UBR2: variants seen among roughly 807,000 people sequenced by gnomAD.
UBR2 encodes the protein ubiquitin protein ligase E3 component n-recognin 2.
In UBR2, 92 loss-of-function variants were observed where a neutral mutation model predicts 247.9. The ratio of observed to expected loss-of-function variants is 0.37; its 90% CI spans 0.31 to 0.44. The LOEUF (loss-of-function observed/expected upper bound fraction) is 0.44, where lower values mean the gene tolerates loss of function less well. Ranked by LOEUF, UBR2 falls within the 20% of genes least tolerant of loss-of-function variation. The pLI, the probability that UBR2 is intolerant of heterozygous loss-of-function variation, is 1.00. For synonymous variants in UBR2, 672 were observed against 693.5 expected (o/e 0.97, Z 0.49); for missense variants, 1,613 against 2,112.6 (o/e 0.76, Z 4.64).
intron 38 of UBR2, among the ~76,000 whole-genome samples, chr6:42,674,680 T>C (rs568204699): frequency 6.6e-6 from 1 of 151,844 alleles, no homozygotes; most frequent in East Asian, 1.9e-4. Flanking sequence ...GAGAATCACT[T>C]GAACCCAGGA....
chr6:42,638,495 T>A (rs879706894), intron 15 of UBR2, among the ~76,000 whole-genome samples: 4 of 152,210 alleles, frequency 2.6e-5, no homozygotes, highest in Non-Finnish European at 4.4e-5. Flanking sequence ...TTCCTAGACA[T>A]ATGAATATCA....
intron 7 of UBR2, among the ~76,000 whole-genome samples, chr6:42,610,827 A>G (rs1794018003): frequency 6.6e-6 from 1 of 151,910 alleles, no homozygotes; most frequent in Non-Finnish European, 1.5e-5. Flanking sequence ...GGCTAAGATG[A>G]AAGTTTTATA....
In UBR2 at chr6:42,653,906, C is replaced by G. The variant is rs147068145; in HGVS notation, c.2769+1261C>G. 2.0e-3 allele frequency among the ~76,000 whole-genome samples: 311 copies of G among 152,222 alleles called. 1 individual carries two copies. The highest frequency in any genetic ancestry group is 7.2e-3 in the African/African-American group (301 of 41,540). ...TGCTAGGATTACAAGGCGTGAGCCA[C>G]CGTGCCTGGCCATGCTAAGCACTCT... On this transcript the variant is annotated intron_variant, in intron 25 of 46. Coordinates refer to ENST00000372901, the MANE Select transcript of UBR2 (RefSeq NM_001363705.2).
Position 42,645,512 on chromosome 6 carries a change from A to T in UBR2, c.2331A>T (p.Glu777Asp), listed in dbSNP as rs1318432147. 3 of 1,613,980 alleles carry T rather than the reference A, an allele frequency of 1.9e-6. No individual in the cohort carries two copies. The highest frequency in any genetic ancestry group is 1.7e-6 in the Non-Finnish European group (2 of 1,179,908). ...PGVGQVNATD[E>D]IKREIIHQLS... Reference sequence around the variant, plus strand: ...TTGGACAGGTAAATGCTACAGATGAAATCAAGCGAGAGATTATCCATCAGT... The same window carrying T: ...TTGGACAGGTAAATGCTACAGATGATATCAAGCGAGAGATTATCCATCAGT... The change falls in exon 21 of 47, where the codon GAA becomes GAT. Residue 777 changes from glutamate (E) to aspartate (D), a missense_variant. Around this residue, in one of 3 missense-constraint regions of UBR2, gnomAD observed 1,524 missense variants for 1,967.3 expected, o/e 0.77. Coordinates refer to ENST00000372901, the MANE Select transcript of UBR2 (RefSeq NM_001363705.2).
rs552803690 is a variant in UBR2, at chr6:42,630,850, C to T, written c.1282-1702C>T. 2.3e-4 allele frequency among the ~76,000 whole-genome samples: 35 copies of T among 152,088 alleles called. No homozygotes were observed. The East Asian group carries it at 3.9e-3, about 17-fold the overall frequency. On this transcript the variant is annotated intron_variant, in intron 11 of 46. Transcript: ENST00000372901. ...TTTTTAAGACAGGGTCTCACTCTGT[C>T]GCCCAGGCTGGAGTGGCGTGATCAT...
chr6:42,571,708 A>G (rs377183538), intron 1 of UBR2, among the ~76,000 whole-genome samples: 1 of 139,854 alleles, frequency 7.2e-6, no homozygotes, highest in African/African-American at 2.8e-5. Flanking sequence ...GTACCACTGC[A>G]CTCCAGCCTG....
intron 42 of UBR2, 45 bp from the exon 43 acceptor site, chr6:42,683,010 C>A (rs780370833): frequency 6.6e-7 from 1 of 1,525,860 alleles, no homozygotes; most frequent in South Asian, 1.2e-5. Flanking sequence ...TAGTTCTAAC[C>A]CTTTAAAAGT....
At chr6:42,652,713 T>G in intron 25 of UBR2, 68 bp downstream of exon 25, 1 of 1,427,046 alleles carries the variant, frequency 7.0e-7, no homozygotes, top group East Asian at 2.6e-5. Flanking sequence ...TTCTTGTCTG[T>G]ATCTATACAC....
rs115685369 is a variant in UBR2, at chr6:42,648,143, G to A, written c.2435G>A (p.Ser812Asn). The A allele has an allele frequency of 6.5e-4, 1,047 of 1,614,040 alleles. 6 individuals carry two copies. The African/African-American group carries it at 0.012, about 19-fold the overall frequency. ...GAGAACAAGGAGACTGGCATGGAGA[G>A]TGTAATCGAAGCAGTTGCCCATTTC... ...EDENKETGME[S>N]VIEAVAHFKK... Residue 812 changes from serine to asparagine, a missense_variant, in exon 22 of 47, where the codon AGT (serine) becomes AAT (asparagine). Coordinates refer to ENST00000372901, the MANE Select transcript of UBR2 (RefSeq NM_001363705.2).
intron 11 of UBR2, among the ~76,000 whole-genome samples, chr6:42,629,807 C>T (rs908249986): frequency 6.6e-6 from 1 of 152,110 alleles, no homozygotes; most frequent in East Asian, 1.9e-4. Context: ...AGCTGAGAAC[C>T]TAAGGTCTTT....
intron 44 of UBR2, among the ~76,000 whole-genome samples, chr6:42,686,571 C>T (rs1037548147): frequency 1.3e-5 from 2 of 152,258 alleles, no homozygotes; most frequent in African/African-American, 2.4e-5. Flanking sequence ...TCATCACGGC[C>T]TGTTGTCAAT....
chr6:42,609,506 C>CTATGTTAATA (rs1389602834), intron 7 of UBR2, among the ~76,000 whole-genome samples: 1 of 151,792 alleles, frequency 6.6e-6, no homozygotes, highest in Non-Finnish European at 1.5e-5. Context: ...CAAAAACTTA[C>CTATGTTAATA]TATGTTAATA....
rs576849645 is a variant in UBR2 at position 42,633,423 on chromosome 6, C to T, written c.1545+519C>T. ...GTTTTGTTTATGAGATGGAGTCTCACTCTGTCGCCCAGGCTGGAGTGCAGT... is the reference window on the plus strand; with the variant it reads ...GTTTTGTTTATGAGATGGAGTCTCATTCTGTCGCCCAGGCTGGAGTGCAGT... On this transcript the variant is annotated intron_variant, in intron 13 of 46. Transcript: ENST00000372901. Among the ~76,000 whole-genome samples the T allele has an allele frequency of 7.2e-5, 11 of 152,164 alleles. No homozygotes were observed. The South Asian group carries it at 2.3e-3, about 32-fold the overall frequency.
intron 21 of UBR2, among the ~76,000 whole-genome samples, chr6:42,646,780 TA>T (rs1222832761): frequency 2.6e-5 from 4 of 151,280 alleles, no homozygotes; most frequent in Non-Finnish European, 2.9e-5. Flanking sequence ...ATCACACTTT[TA>T]AAAACAATAA....
At chr6:42,648,005 A>G (rs1372179572) in intron 21 of UBR2, 113 bp from the exon 22 acceptor site, 2 of 669,862 alleles carry the variant, frequency 3.0e-6, no homozygotes, top group African/African-American at 1.8e-5. Context: ...GTAAAAATGG[A>G]GATAAGGTGT....
intron 2 of UBR2, among the ~76,000 whole-genome samples, chr6:42,587,930 G>A (rs914028556): frequency 1.3e-5 from 2 of 151,802 alleles, no homozygotes; most frequent in African/African-American, 4.8e-5. Flanking sequence ...CTCATGCAAC[G>A]CTTCTGACAC....
chr6:42,596,896 A>G (rs923943243), intron 4 of UBR2, among the ~76,000 whole-genome samples: 1 of 152,128 alleles, frequency 6.6e-6, no homozygotes, highest in African/African-American at 2.4e-5. Flanking sequence ...AATGTTTTGG[A>G]ACTAGATTGT....
Position 42,659,571 on chromosome 6 carries a change from C to CT in UBR2, c.3243-85_3243-84insT. 9.4e-7 allele frequency: 1 copy of CT among 1,066,526 alleles called. No homozygotes were observed. The allele number at this position is 1,066,526 out of a possible 1,614,324, so 66.1% of individuals were successfully genotyped here. Reference sequence around the variant, plus strand: ...CACACACACACACACACTACACACACACACACATACCTGTAGTCTGCTATT... The same window carrying CT: ...CACACACACACACACACTACACACACTACACACATACCTGTAGTCTGCTATT... On this transcript the variant is annotated intron_variant, in intron 29 of 46. Transcript: ENST00000372901. This position sits in a 1 kb window ranked among gnomAD's most constrained non-coding sequence, Gnocchi z 4.3.
In UBR2 at chr6:42,641,268, A is replaced by C. The variant is rs564721857; in HGVS notation, c.1921-314A>C. ...CACCTGAGGTCAGGAGTTCAAGACC[A>C]ACCTAGCCAACATGGCGAGTCCCCA... On this transcript the variant is annotated intron_variant, in intron 16 of 46. Transcript: ENST00000372901. Among the ~76,000 whole-genome samples the C allele has an allele frequency of 2.7e-4, 41 of 152,192 alleles. No homozygotes were observed. In the South Asian group the frequency reaches 8.5e-3, roughly 32 times the overall value.
Sources: gnomAD v4.1 joint callset for allele counts (sites outside exome capture counted in the v4.1 genomes callset) on GRCh38, gnomAD v4.1.1 for gene constraint, gnomAD v4.1.1 regional missense constraint, Gnocchi (gnomAD v3.1) non-coding constraint, MANE v1.5 for transcripts, NCBI Gene and HGNC (gene_info 2026-07-23, HGNC 2026-07-21) for gene names.